The following SNTG1 variants were observed in gnomAD, a reference collection of about 807,000 sequenced individuals.
SNTG1 encodes gamma-1-syntrophin.
A neutral mutation model predicts 74.7 loss-of-function variants in SNTG1; 39 were observed. The ratio of observed to expected loss-of-function variants is 0.52; its 90% CI spans 0.40 to 0.68. The LOEUF is 0.68. Ranked by LOEUF, SNTG1 falls within the 30% of genes least tolerant of loss-of-function variation. The pLI is 0.00. For synonymous variants in SNTG1, 254 were observed against 217.1 expected (o/e 1.17, Z -1.49); for missense variants, 685 against 609.5 (o/e 1.12, Z -1.30).
intron 2 of SNTG1, among the ~76,000 whole-genome samples, chr8:50,357,760 G>T (rs1274504831): frequency 6.6e-6 from 1 of 152,086 alleles, no homozygotes; most frequent in Non-Finnish European, 1.5e-5. Context: ...TGCCTTTAAA[G>T]AATATAAAGT....
intron 2 of SNTG1, among the ~76,000 whole-genome samples, chr8:50,205,252 G>C (rs928313768): frequency 1.3e-5 from 2 of 152,098 alleles, no homozygotes; most frequent in Non-Finnish European, 2.9e-5. Context: ...ACTTTTTAAT[G>C]ATCACCATTC....
chr8:50,176,938 C>A (rs995205064), intron 2 of SNTG1, among the ~76,000 whole-genome samples: 1 of 152,140 alleles, frequency 6.6e-6, no homozygotes, highest in African/African-American at 2.4e-5. Flanking sequence ...CTGCTTCAGT[C>A]TTGGTGATTC....
chr8:50,579,173 T>TA (rs1297201570), intron 12 of SNTG1, among the ~76,000 whole-genome samples: 1 of 152,134 alleles, frequency 6.6e-6, no homozygotes, highest in Non-Finnish European at 1.5e-5. Context: ...CAGATGGAGA[T>TA]GAGGAACTTG....
chr8:49,990,031 T>C (rs976337173), intron 1 of SNTG1, among the ~76,000 whole-genome samples: 1 of 151,882 alleles, frequency 6.6e-6, no homozygotes, highest in South Asian at 2.1e-4. Flanking sequence ...TCCTGTAAGA[T>C]CAAGAACAAA....
intron 17 of SNTG1, among the ~76,000 whole-genome samples, chr8:50,744,146 G>T (rs1193375371): frequency 6.6e-6 from 1 of 151,952 alleles, no homozygotes; most frequent in African/African-American, 2.4e-5. Context: ...CTGGGGATTA[G>T]ATTTCAACAT....
At chr8:50,707,686 C>G (rs570327922) in intron 16 of SNTG1, among the ~76,000 whole-genome samples, 2 of 144,046 alleles carry the variant, frequency 1.4e-5, no homozygotes, top group East Asian at 4.0e-4. Flanking sequence ...ATAAACTTCT[C>G]TTCCTTTTTT....
At chr8:50,588,589 T>A (rs568724425) in intron 12 of SNTG1, among the ~76,000 whole-genome samples, 2 of 152,356 alleles carry the variant, frequency 1.3e-5, no homozygotes, top group Non-Finnish European at 2.9e-5. Context: ...CACAATTTAT[T>A]TTCTTGCCAA....
At chr8:50,264,840 G>A (rs535931031) in intron 2 of SNTG1, among the ~76,000 whole-genome samples, 92 of 151,988 alleles carry the variant, frequency 6.1e-4, no homozygotes, top group African/African-American at 1.9e-3. Context: ...GAAGGTAAGA[G>A]AATACTATAA....
intron 13 of SNTG1, among the ~76,000 whole-genome samples, chr8:50,655,786 C>T (rs1191832516): frequency 6.6e-6 from 1 of 152,162 alleles, no homozygotes; most frequent in East Asian, 1.9e-4. Context: ...CACATTAATG[C>T]TGCAAAACAA....
chr8:50,729,598 T>G (rs2131615882), intron 17 of SNTG1, among the ~76,000 whole-genome samples: 1 of 152,338 alleles, frequency 6.6e-6, no homozygotes, highest in South Asian at 2.1e-4. Context: ...TATTTCATTT[T>G]TGCCTTTGTA....
chr8:50,445,065 CCT>C (rs954863727), intron 5 of SNTG1, among the ~76,000 whole-genome samples: 2 of 152,200 alleles, frequency 1.3e-5, no homozygotes, highest in African/African-American at 4.8e-5. Context: ...CCCTATCTCC[CCT>C]CTTTCAAACC....
chr8:50,529,317 C>A (rs187050874), intron 9 of SNTG1, among the ~76,000 whole-genome samples: 1 of 151,918 alleles, frequency 6.6e-6, no homozygotes, highest in African/African-American at 2.4e-5. Flanking sequence ...ATCTTAGTTC[C>A]AGGAAAATTA....
At chr8:50,084,622 A>G (rs1212148783) in intron 1 of SNTG1, among the ~76,000 whole-genome samples, 2 of 152,176 alleles carry the variant, frequency 1.3e-5, no homozygotes, top group Non-Finnish European at 1.5e-5. Context: ...AAAATCACAA[A>G]CTGTAAACAT....
At chr8:50,374,841 T>C (rs1226150787) in intron 2 of SNTG1, among the ~76,000 whole-genome samples, 3 of 152,156 alleles carry the variant, frequency 2.0e-5, no homozygotes, top group Non-Finnish European at 2.9e-5. Flanking sequence ...TTTTTTTAGA[T>C]CAAATTGGAA....
intron 2 of SNTG1, among the ~76,000 whole-genome samples, chr8:50,239,821 C>G (rs548312175): frequency 9.2e-5 from 14 of 152,272 alleles, no homozygotes; most frequent in African/African-American, 3.1e-4. Context: ...TTTCAGGGAT[C>G]AGGGGAGAGT....
intron 1 of SNTG1, among the ~76,000 whole-genome samples, chr8:50,013,849 G>A (rs1002104409): frequency 1.3e-5 from 2 of 152,214 alleles, no homozygotes; most frequent in South Asian, 4.1e-4. Flanking sequence ...TGTTAAGGGA[G>A]GACTTGGAAC....
intron 2 of SNTG1, among the ~76,000 whole-genome samples, chr8:50,240,562 C>T (rs572378319): frequency 5.9e-5 from 9 of 152,070 alleles, no homozygotes; most frequent in Non-Finnish European, 1.3e-4. Flanking sequence ...ATGTAAAAAA[C>T]AATTTTGTAC....
chr8:50,602,642 T>C (rs1034851958), intron 13 of SNTG1, among the ~76,000 whole-genome samples: 11 of 152,212 alleles, frequency 7.2e-5, no homozygotes, highest in African/African-American at 2.7e-4. Context: ...TAACATCATT[T>C]TCTTTCATGT....
chr8:50,350,966 T>A (rs1255370323), intron 2 of SNTG1, among the ~76,000 whole-genome samples: 2 of 152,314 alleles, frequency 1.3e-5, no homozygotes, highest in Middle Eastern at 6.8e-3. Flanking sequence ...CTTTGTTCTT[T>A]CGCTCTTTGC....
Sources: gnomAD v4.1 joint callset for allele counts (sites outside exome capture counted in the v4.1 genomes callset) on GRCh38, gnomAD v4.1.1 for gene constraint, MANE v1.5 for transcripts, NCBI Gene and HGNC (gene_info 2026-07-23, HGNC 2026-07-21) for gene names.